The following GINS1 variants were observed in gnomAD, a reference collection of about 807,000 sequenced individuals.
GINS1 encodes GINS complex subunit 1.
GINS1 carries 26 observed loss-of-function variants against 34.9 expected under a neutral mutation model. The ratio of observed to expected loss-of-function variants is 0.74; its 90% CI spans 0.55 to 1.03. The LOEUF (loss-of-function observed/expected upper bound fraction) is 1.03, where lower values mean the gene tolerates loss of function less well. Ranked by LOEUF, GINS1 falls within the 50% of genes least tolerant of loss-of-function variation. The pLI is 0.00. For synonymous variants in GINS1, 97 were observed against 84.4 expected (o/e 1.15, Z -0.82); for missense variants, 235 against 237.9 (o/e 0.99, Z 0.08).
intron 6 of GINS1, among the ~76,000 whole-genome samples, chr20:25,444,637 G>T (rs1365821922): frequency 6.6e-6 from 1 of 152,136 alleles, no homozygotes; most frequent in Non-Finnish European, 1.5e-5. Flanking sequence ...GACCACCTAT[G>T]AATTGAAAAG....
intron 5 of GINS1, among the ~76,000 whole-genome samples, chr20:25,437,121 C>T (rs1382189424): frequency 6.6e-6 from 1 of 152,098 alleles, no homozygotes; most frequent in Admixed American, 6.6e-5. Context: ...CTTTTCACTG[C>T]CCTAGTCTTT....
Position 25,407,710 on chromosome 20 carries a change from A to G in GINS1, c.-111A>G, listed in dbSNP as rs2146178008. 3.6e-6 allele frequency: 3 copies of G among 834,284 alleles called. No homozygotes were observed. The highest frequency in any genetic ancestry group is 2.3e-4 in the Middle Eastern group (1 of 4,412). 51.7% of individuals were successfully genotyped at this position (834,284 alleles called of 1,614,324 possible). ...AGCGCGGAGCGGAGGCCGAGGCGAG[A>G]GCCTGGCGCTGTAGGACTAGAACGA... On this transcript the variant is annotated 5_prime_UTR_variant, in exon 1 of 7. Transcript: ENST00000262460.
At chr20:25,417,891 C>T (rs1412770464) in intron 3 of GINS1, among the ~76,000 whole-genome samples, 1 of 152,080 alleles carries the variant, frequency 6.6e-6, no homozygotes, top group Non-Finnish European at 1.5e-5. Context: ...GAAATAAGGA[C>T]CTTAGGGACC....
At chr20:25,413,959 AG>A in intron 2 of GINS1, 105 bp downstream of exon 2, 1 of 679,822 alleles carries the variant, frequency 1.5e-6, no homozygotes, top group Non-Finnish European at 2.7e-6. Context: ...TGGGAGGCTG[AG>A]GCGGGCGGAT....
intron 5 of GINS1, among the ~76,000 whole-genome samples, chr20:25,440,102 C>T (rs917712575): frequency 2.0e-5 from 3 of 151,810 alleles, no homozygotes; most frequent in Non-Finnish European, 4.4e-5. Flanking sequence ...GGTGTGATCT[C>T]GCTCACTGCA....
At chr20:25,436,055 C>G (rs2090453609) in intron 5 of GINS1, among the ~76,000 whole-genome samples, 2 of 151,198 alleles carry the variant, frequency 1.3e-5, no homozygotes, top group Non-Finnish European at 2.9e-5. Flanking sequence ...ATCTCCTGAC[C>G]TTGTGATCTC....
chr20:25,441,033 C>T (rs1435283226), intron 5 of GINS1, among the ~76,000 whole-genome samples: 1 of 152,108 alleles, frequency 6.6e-6, no homozygotes, highest in East Asian at 1.9e-4. Flanking sequence ...CACTAGTACT[C>T]GTGAGAGTAA....
chr20:25,423,866 G>A (rs998980500), intron 4 of GINS1, among the ~76,000 whole-genome samples: 13 of 150,812 alleles, frequency 8.6e-5, no homozygotes, highest in Non-Finnish European at 1.9e-4. Flanking sequence ...CACCCGCCTC[G>A]GCCTCTCAAA....
At chr20:25,432,754 A>G (rs368511812) in intron 5 of GINS1, among the ~76,000 whole-genome samples, 20 of 151,942 alleles carry the variant, frequency 1.3e-4, no homozygotes, top group African/African-American at 4.8e-4. Flanking sequence ...GGCGTGAGCC[A>G]CCACAACTGG....
Position 25,413,056 on chromosome 20 carries a change from A to AT in GINS1, c.76-718dup, listed in dbSNP as rs753937496. ...TTGTTGTGTATGTTGTCAGTAGTTC[A>AT]TTTTTTTTTTTTTTTTCTTTGAGAC... On this transcript the variant is annotated intron_variant, in intron 1 of 6. Coordinates refer to ENST00000262460, the MANE Select transcript of GINS1 (RefSeq NM_021067.5). 3.0e-3 allele frequency among the ~76,000 whole-genome samples: 410 copies of AT among 135,916 alleles called. 2 individuals are homozygous for AT. The highest frequency in any genetic ancestry group is 4.7e-3 in the African/African-American group (178 of 37,486). The allele number at this position is 135,916 out of a possible 152,430, so 89.2% of individuals were successfully genotyped here.
chr20:25,436,477 G>C (rs1205125858), intron 5 of GINS1, among the ~76,000 whole-genome samples: 1 of 151,956 alleles, frequency 6.6e-6, no homozygotes, highest in Non-Finnish European at 1.5e-5. Flanking sequence ...GGTCTCTCAG[G>C]CTCTGTCCTT....
intron 5 of GINS1, among the ~76,000 whole-genome samples, chr20:25,440,310 A>G (rs1459476729): frequency 1.3e-5 from 2 of 151,962 alleles, no homozygotes; most frequent in Non-Finnish European, 2.9e-5. Flanking sequence ...CAGTATTGGG[A>G]TTTTTAAAAT....
intron 5 of GINS1, 76 bp from the exon 6 acceptor site, chr20:25,441,626 A>T (rs985800076): frequency 1.4e-6 from 1 of 732,396 alleles, no homozygotes; most frequent in Non-Finnish European, 2.4e-6. Flanking sequence ...GTGTATTTGT[A>T]TAATGCTGAT....
chr20:25,410,168 C>T (rs1015732415), intron 1 of GINS1, among the ~76,000 whole-genome samples: 8 of 151,946 alleles, frequency 5.3e-5, no homozygotes, highest in African/African-American at 1.9e-4. Context: ...GGTGAAACCC[C>T]GTATCTACTA....
chr20:25,410,282 A>G (rs1193477401), intron 1 of GINS1, among the ~76,000 whole-genome samples: 2 of 151,822 alleles, frequency 1.3e-5, no homozygotes, highest in Non-Finnish European at 2.9e-5. Context: ...CGGAGGTTGC[A>G]GTGAGCCAAG....
chr20:25,418,721 A>G (rs2090336464), intron 4 of GINS1, among the ~76,000 whole-genome samples: 1 of 152,192 alleles, frequency 6.6e-6, no homozygotes. Flanking sequence ...GACTTTTGAC[A>G]CTAACTACCT....
intron 4 of GINS1, among the ~76,000 whole-genome samples, chr20:25,423,910 G>A (rs139023305): frequency 0.021 from 3,176 of 152,134 alleles, 103 homozygotes; most frequent in African/African-American, 0.072. Flanking sequence ...CACCGTGCCC[G>A]GCCTTTTTTC....
chr20:25,407,970 A>C (rs1373169114), intron 1 of GINS1, 75 bp downstream of exon 1: 9 of 1,108,142 alleles, frequency 8.1e-6, no homozygotes, highest in Non-Finnish European at 1.2e-5. Flanking sequence ...GCTCCCCGTC[A>C]GGGTTCACTT....
At chr20:25,438,245 C>A (rs190869659) in intron 5 of GINS1, among the ~76,000 whole-genome samples, 60 of 151,912 alleles carry the variant, frequency 3.9e-4, no homozygotes, top group African/African-American at 1.3e-3. Context: ...TAAAGTAAAC[C>A]AGGACTCCTT....
Sources: allele counts gnomAD v4.1 joint callset (sites outside exome capture counted in the v4.1 genomes callset), GRCh38; gene constraint gnomAD v4.1.1; transcripts MANE v1.5; gene names NCBI Gene and HGNC (gene_info 2026-07-23, HGNC 2026-07-21).